CFTR: variants seen among roughly 807,000 people sequenced by gnomAD.
CFTR encodes the protein cystic fibrosis transmembrane conductance regulator.
A neutral mutation model predicts 171.6 loss-of-function variants in CFTR; 181 were observed. The ratio of observed to expected loss-of-function variants is 1.05; its 90% CI spans 0.93 to 1.19. CFTR has a LOEUF of 1.19. CFTR is among the 50% of genes most tolerant of loss of function. The probability of loss-of-function intolerance (pLI) is 0.00; values close to 1 mark genes in which losing one functional copy is unlikely to be tolerated. For synonymous variants in CFTR, 583 were observed against 608.0 expected, an observed-to-expected ratio of 0.96 and a Z score of 0.60; for missense variants, 1,968 against 1,734.7, an observed-to-expected ratio of 1.13 and a Z score of -2.39.
Position 117,592,150 on chromosome 7 carries a change from C to G in CFTR, c.1983C>G (p.Ile661Met), listed in dbSNP as rs1485998437. 24 of 1,613,838 alleles carry G rather than the reference C, an allele frequency of 1.5e-5. No homozygotes were observed. The highest frequency in any genetic ancestry group is 2.7e-5 in the African/African-American group (2 of 74,898). Residue 661 changes from isoleucine to methionine, a missense_variant, in exon 14 of 27, where the codon ATC becomes ATG. By Grantham distance (10) the Ile-to-Met change is conservative. Transcript: ENST00000003084. ...TTAGTGCAGAAAGAAGAAATTCAATCCTAACTGAGACCTTACACCGTTTCT... is the reference window on the plus strand; with the variant it reads ...TTAGTGCAGAAAGAAGAAATTCAATGCTAACTGAGACCTTACACCGTTTCT... ...DQFSAERRNS[I>M]LTETLHRFSL...
intron 21 of CFTR, among the ~76,000 whole-genome samples, chr7:117,623,655 G>T (rs1792612854): frequency 6.6e-6 from 1 of 152,166 alleles, no homozygotes; most frequent in African/African-American, 2.4e-5. Flanking sequence ...GCGCTGAGGG[G>T]TAAAATTGCA....
intron 26 of CFTR, 99 bp from the exon 27 acceptor site, chr7:117,666,809 C>A: frequency 9.8e-7 from 1 of 1,017,684 alleles, no homozygotes; most frequent in Admixed American, 1.8e-5. Flanking sequence ...ACATTGCATT[C>A]TTTGACTTTT....
In CFTR at chr7:117,545,809, T is replaced by A. The variant is rs982370601; in HGVS notation, c.1210-2832T>A. 6.6e-5 allele frequency among the ~76,000 whole-genome samples: 10 copies of A among 151,914 alleles called. No homozygotes were observed. In the East Asian group the frequency reaches 1.6e-3, roughly 24 times the overall value. On this transcript the variant is annotated intron_variant, in intron 9 of 26. Coordinates refer to ENST00000003084, the MANE Select transcript of CFTR (RefSeq NM_000492.4). Reference sequence around the variant, plus strand: ...GCATATCATCACTTATTTTTTTTTTTAATCACATATATGATTTTTTTTTCT... The same window carrying A: ...GCATATCATCACTTATTTTTTTTTTAAATCACATATATGATTTTTTTTTCT...
intron 19 of CFTR, 57 bp downstream of exon 19, chr7:117,610,726 G>T: frequency 6.3e-7 from 1 of 1,580,764 alleles, no homozygotes; most frequent in Admixed American, 1.7e-5. Flanking sequence ...AGCTATTTGA[G>T]ATTCTTTATT....
chr7:117,622,723 A>C (rs1000204535), intron 21 of CFTR, among the ~76,000 whole-genome samples: 1 of 152,152 alleles, frequency 6.6e-6, no homozygotes, highest in Non-Finnish European at 1.5e-5. Context: ...AAAAGGATGA[A>C]AGGAAATAGA....
intron 11 of CFTR, among the ~76,000 whole-genome samples, chr7:117,569,514 A>G (rs1368799544): frequency 1.3e-5 from 2 of 152,230 alleles, no homozygotes; most frequent in Non-Finnish European, 2.9e-5. Context: ...TATTCAAAGC[A>G]TTCAACATAT....
rs1347720747 is a variant in CFTR, at chr7:117,667,012, C to T, written c.4347C>T (p.Leu1449=). 1.1e-5 allele frequency: 17 copies of T among 1,613,920 alleles called. No individual in the cohort carries two copies. The highest frequency in any genetic ancestry group is 1.4e-5 in the Non-Finnish European group (16 of 1,179,982). The change falls in exon 27 of 27, where the codon CTC becomes CTT. Residue 1449 remains leucine (L), a synonymous_variant. Transcript: ENST00000003084. ...TCAGCCCCTCCGACAGGGTGAAGCT[C>T]TTTCCCCACCGGAACTCAAGCAAGT... ...QAISPSDRVK[L]FPHRNSSKCK... is the part of the protein sequence containing the mutation.
At chr7:117,564,537 G>A (rs1791567904) in intron 11 of CFTR, 2 of 162,704 alleles carry the variant, frequency 1.2e-5, no homozygotes, top group South Asian at 4.1e-4. Flanking sequence ...TGGTTAAGCA[G>A]CTGGTGCCAG....
intron 2 of CFTR, among the ~76,000 whole-genome samples, chr7:117,508,311 C>T (rs1798455806): frequency 6.6e-6 from 1 of 152,114 alleles, no homozygotes; most frequent in South Asian, 2.1e-4. Flanking sequence ...GTGGCAATAA[C>T]TTAATAAATA....
rs1475737319 is a variant in CFTR at position 117,654,111 on chromosome 7, G to A, written c.3963+1180G>A. On this transcript the variant is annotated intron_variant, in intron 24 of 26. Coordinates refer to ENST00000003084, the MANE Select transcript of CFTR (RefSeq NM_000492.4). ...AGGCTCTATCCTCATGGATTTGAGT[G>A]TCTCATTCTTTGTGGCAGGTCTGTG... Among the ~76,000 whole-genome samples the A allele has an allele frequency of 5.9e-5, 9 of 152,184 alleles. No homozygotes were observed. In the South Asian group the frequency reaches 1.9e-3, roughly 31 times the overall value.
chr7:117,634,868 G>A (rs981245563), intron 22 of CFTR, among the ~76,000 whole-genome samples: 1 of 151,998 alleles, frequency 6.6e-6, no homozygotes, highest in Non-Finnish European at 1.5e-5. Flanking sequence ...TTATGGCCCA[G>A]AATGTGGTCT....
At chr7:117,571,127 A>C (rs1791681625) in intron 11 of CFTR, among the ~76,000 whole-genome samples, 1 of 152,176 alleles carries the variant, frequency 6.6e-6, no homozygotes, top group African/African-American at 2.4e-5. Flanking sequence ...GACAGTCAGC[A>C]AAGGGGAAGA....
At chr7:117,505,517 AT>A (rs1798400606) in intron 2 of CFTR, among the ~76,000 whole-genome samples, 1 of 152,114 alleles carries the variant, frequency 6.6e-6, no homozygotes, top group South Asian at 2.1e-4. Flanking sequence ...AGCTTTCTAC[AT>A]AAAGTGGGTC....
At chr7:117,635,352 T>C (rs968084397) in intron 22 of CFTR, among the ~76,000 whole-genome samples, 3 of 152,152 alleles carry the variant, frequency 2.0e-5, no homozygotes, top group Admixed American at 6.5e-5. Context: ...GTGGGTTTCT[T>C]GTAGACAGCA....
intron 1 of CFTR, among the ~76,000 whole-genome samples, chr7:117,502,219 A>G (rs1419676879): frequency 6.6e-6 from 1 of 152,234 alleles, no homozygotes; most frequent in African/African-American, 2.4e-5. Flanking sequence ...TTAAATAGGG[A>G]AAGTTGAACA....
In CFTR at chr7:117,667,496, CT is replaced by C. The variant is rs1186097712; in HGVS notation, c.*389del. 2 of 333,670 alleles carry C rather than the reference CT, an allele frequency of 6.0e-6. No homozygotes were observed. The highest frequency in any genetic ancestry group is 1.2e-5 in the Non-Finnish European group (2 of 171,144). 20.7% of individuals were successfully genotyped at this position (333,670 alleles called of 1,614,324 possible). On this transcript the variant is annotated 3_prime_UTR_variant, in exon 27 of 27. Coordinates refer to ENST00000003084, the MANE Select transcript of CFTR (RefSeq NM_000492.4). ...GTTAATTTGTAGTGTTGGAGAAGAACTGAAATCATACTTCTTAGGGTTATGA... is the reference window on the plus strand; with the variant it reads ...GTTAATTTGTAGTGTTGGAGAAGAACGAAATCATACTTCTTAGGGTTATGA...
rs55803548 is a variant in CFTR, at chr7:117,610,538, G to A, written c.3008G>A (p.Gly1003Glu). 6.2e-7 allele frequency: 1 copy of A among 1,613,178 alleles called. No homozygotes were observed. Among genetic ancestry groups the A allele is most frequent in the Non-Finnish European group, 8.5e-7 (1 of 1,179,558 alleles). Residue 1003 changes from glycine to glutamate, a missense_variant, in exon 19 of 27, where the codon GGA (glycine) becomes GAA (glutamate). Gly to Glu is a moderately conservative substitution (Grantham distance 98, BLOSUM62 -2). Transcript: ENST00000003084. ...TTACAGTTGTTATTAATTGTGATTG[G>A]AGCTATAGCAGTTGTCGCAGTTTTA... ...DFIQLLLIVI[G>E]AIAVVAVLQP...
intron 11 of CFTR, among the ~76,000 whole-genome samples, chr7:117,564,939 A>G (rs1791576520): frequency 6.6e-6 from 1 of 152,256 alleles, no homozygotes; most frequent in Admixed American, 6.5e-5. Context: ...CTGTGTTGAT[A>G]GAAAACTTGT....
intron 7 of CFTR, among the ~76,000 whole-genome samples, chr7:117,539,760 A>G (rs977698733): frequency 6.6e-6 from 1 of 151,968 alleles, no homozygotes; most frequent in Non-Finnish European, 1.5e-5. Context: ...TAATATTACA[A>G]GTTAATAATG....
Sources: gnomAD v4.1 joint callset for allele counts (sites outside exome capture counted in the v4.1 genomes callset) on GRCh38, gnomAD v4.1.1 for gene constraint, MANE v1.5 for transcripts, NCBI Gene and HGNC (gene_info 2026-07-23, HGNC 2026-07-21) for gene names.